The following ZBTB20 variants were observed in gnomAD, a reference collection of about 807,000 sequenced individuals.
ZBTB20 encodes zinc finger and BTB domain containing 20.
A neutral mutation model predicts 56.9 loss-of-function variants in ZBTB20; 9 were observed. The observed-to-expected ratio is 0.16, with a 90% confidence interval of 0.10 to 0.28. The LOEUF (loss-of-function observed/expected upper bound fraction) is 0.28, where lower values mean the gene tolerates loss of function less well. Ranked by LOEUF, ZBTB20 falls within the 10% of genes least tolerant of loss-of-function variation. The pLI is 1.00. For synonymous variants in ZBTB20, 417 were observed against 420.7 expected, an observed-to-expected ratio of 0.99 and a Z score of 0.11; for missense variants, 655 against 1,003.0, an observed-to-expected ratio of 0.65 and a Z score of 4.69.
At chr3:114,483,033 A>C (rs2041725245) in intron 7 of ZBTB20, among the ~76,000 whole-genome samples, 1 of 152,238 alleles carries the variant, frequency 6.6e-6, no homozygotes, top group South Asian at 2.1e-4. Context: ...GTTCTTAAAA[A>C]GGAAAAGTTT....
At position 114,947,583 on chromosome 3, in the gene ZBTB20, A is replaced by G. The variant is rs1047425374; in HGVS notation, c.-456+26783T>C. On this transcript the variant is annotated intron_variant, in intron 3 of 11. Transcript: ENST00000675478. Reference sequence around the variant, plus strand: ...AGACAAATGTCCTATGTTCTCACTTATAAGTGGGAGCTACCTAATGTGTAC... The same window carrying G: ...AGACAAATGTCCTATGTTCTCACTTGTAAGTGGGAGCTACCTAATGTGTAC... Among the ~76,000 whole-genome samples the G allele has an allele frequency of 4.8e-5, 7 of 145,998 alleles. 3 individuals carry two copies. Among genetic ancestry groups the G allele is most frequent in the African/African-American group, 1.7e-4 (6 of 35,902 alleles).
Position 115,080,369 on chromosome 3 carries a change from G to A in ZBTB20, c.-702-8955C>T, listed in dbSNP as rs187483535. Among the ~76,000 whole-genome samples the A allele has an allele frequency of 2.6e-3, 391 of 152,240 alleles. 2 individuals are homozygous for A. Among genetic ancestry groups the A allele is most frequent in the African/African-American group, 9.2e-3 (383 of 41,552 alleles). ...ACAAAGATCAAACATTGTACTAGAAGGGGAACTCAAATCCACCTTGGGCTA... is the reference window on the plus strand; with the variant it reads ...ACAAAGATCAAACATTGTACTAGAAAGGGAACTCAAATCCACCTTGGGCTA... On this transcript the variant is annotated intron_variant, in intron 1 of 11. Transcript: ENST00000675478.
chr3:114,802,004 C>A (rs1056736553), intron 4 of ZBTB20, among the ~76,000 whole-genome samples: 41 of 151,674 alleles, frequency 2.7e-4, no homozygotes, highest in African/African-American at 9.2e-4. Context: ...TCATTTCTTT[C>A]TTCAAACAAC....
At chr3:114,435,101 G>T (rs922874593) in intron 7 of ZBTB20, among the ~76,000 whole-genome samples, 3 of 152,120 alleles carry the variant, frequency 2.0e-5, no homozygotes, top group African/African-American at 7.2e-5. Context: ...AAGCTTAACT[G>T]GGACTAAAAT....
intron 6 of ZBTB20, among the ~76,000 whole-genome samples, chr3:114,539,492 A>G (rs986657633): frequency 5.3e-5 from 8 of 152,118 alleles, no homozygotes; most frequent in South Asian, 2.1e-4. Flanking sequence ...GTGGTGTTAT[A>G]CCCATTTTAC....
In ZBTB20 at chr3:114,323,565, C is replaced by T. The variant is rs1311902020; in HGVS notation, c.*15440G>A. ...TCTGCCACACTAAAATGTGCACAAG[C>T]AAGGGGCTTTGTGGAGGAGGCCAAG... On this transcript the variant is annotated 3_prime_UTR_variant, in exon 12 of 12. Transcript: ENST00000675478. 6.6e-6 allele frequency: 1 copy of T among 152,218 alleles called. No homozygotes were observed. The highest frequency in any genetic ancestry group is 1.5e-5 in the Non-Finnish European group (1 of 68,054). 9.4% of individuals were successfully genotyped at this position (152,218 alleles called of 1,614,324 possible).
chr3:114,785,861 T>A (rs2070444966), intron 5 of ZBTB20, among the ~76,000 whole-genome samples: 1 of 152,188 alleles, frequency 6.6e-6, no homozygotes, highest in Non-Finnish European at 1.5e-5. Flanking sequence ...GTCACTATGC[T>A]GTATATTTGA....
intron 1 of ZBTB20, among the ~76,000 whole-genome samples, chr3:115,127,424 T>C (rs905399559): frequency 2.0e-5 from 3 of 152,022 alleles, no homozygotes; most frequent in Admixed American, 2.0e-4. Flanking sequence ...ACCATGTCTG[T>C]ACTAAAAATA....
chr3:114,656,933 G>A (rs1019637922), intron 6 of ZBTB20, among the ~76,000 whole-genome samples: 7 of 152,042 alleles, frequency 4.6e-5, no homozygotes, highest in African/African-American at 9.7e-5. Context: ...GTGAGCTACC[G>A]CACCGGGCCT....
chr3:114,748,179 G>C (rs967325844), intron 5 of ZBTB20, among the ~76,000 whole-genome samples: 4 of 152,216 alleles, frequency 2.6e-5, no homozygotes, highest in Middle Eastern at 3.4e-3. Flanking sequence ...AAGTGCTCAT[G>C]ATGAGTAATT....
At chr3:114,988,061 T>C (rs1272269396) in intron 2 of ZBTB20, among the ~76,000 whole-genome samples, 1 of 151,746 alleles carries the variant, frequency 6.6e-6, no homozygotes, top group Non-Finnish European at 1.5e-5. Flanking sequence ...TTATTGTTTT[T>C]TTCACATTGC....
chr3:115,032,770 A>G (rs1321849703), intron 2 of ZBTB20, among the ~76,000 whole-genome samples: 3 of 151,378 alleles, frequency 2.0e-5, no homozygotes, highest in Admixed American at 2.0e-4. Flanking sequence ...TCTTAAACAA[A>G]GGATCAAAAA....
At chr3:115,103,345 A>T (rs2083635935) in intron 1 of ZBTB20, among the ~76,000 whole-genome samples, 1 of 152,210 alleles carries the variant, frequency 6.6e-6, no homozygotes, top group Admixed American at 6.5e-5. Flanking sequence ...ATATGAACTA[A>T]ATGATTCTAA....
intron 6 of ZBTB20, among the ~76,000 whole-genome samples, chr3:114,549,829 G>A (rs2050339226): frequency 6.7e-6 from 1 of 150,012 alleles, no homozygotes; most frequent in African/African-American, 2.5e-5. Flanking sequence ...CCTTGTACCT[G>A]ACATTTTACT....
chr3:114,502,167 A>G (rs938013696), intron 6 of ZBTB20, among the ~76,000 whole-genome samples: 2 of 152,192 alleles, frequency 1.3e-5, no homozygotes, highest in African/African-American at 4.8e-5. Flanking sequence ...GGGTGATTCA[A>G]TCTTGCCTCT....
chr3:114,616,527 A>G (rs1577977602), intron 6 of ZBTB20, among the ~76,000 whole-genome samples: 1 of 152,176 alleles, frequency 6.6e-6, no homozygotes, highest in African/African-American at 2.4e-5. Flanking sequence ...CTGGCACATA[A>G]TAGTTGCTCA....
intron 11 of ZBTB20, among the ~76,000 whole-genome samples, chr3:114,344,326 T>C (rs970625764): frequency 1.3e-5 from 2 of 152,182 alleles, no homozygotes; most frequent in African/African-American, 2.4e-5. Flanking sequence ...CCCCAGAAAA[T>C]AGCATCTCCA....
At chr3:115,113,780 C>T (rs940042468) in intron 1 of ZBTB20, among the ~76,000 whole-genome samples, 6 of 152,134 alleles carry the variant, frequency 3.9e-5, no homozygotes, top group Non-Finnish European at 7.3e-5. Context: ...GCAGCAGCAG[C>T]GGCAGCATAA....
At chr3:114,750,293 C>G (rs1023538922) in intron 5 of ZBTB20, among the ~76,000 whole-genome samples, 2 of 152,026 alleles carry the variant, frequency 1.3e-5, no homozygotes, top group Admixed American at 6.6e-5. Flanking sequence ...AAGAAATAGG[C>G]CCTAGCCTGC....
Sources: allele counts gnomAD v4.1 joint callset (sites outside exome capture counted in the v4.1 genomes callset), GRCh38; gene constraint gnomAD v4.1.1; transcripts MANE v1.5; gene names NCBI Gene and HGNC (gene_info 2026-07-23, HGNC 2026-07-21).